HK1: variants seen among roughly 807,000 people sequenced by gnomAD.
The protein encoded by HK1 is hexokinase-1.
Under a neutral mutation model 91.6 loss-of-function variants are expected in HK1, and 28 were observed. That is an observed-to-expected ratio of 0.31 (90% confidence interval 0.23 to 0.42). The LOEUF (loss-of-function observed/expected upper bound fraction) is 0.42. Ranked by LOEUF, HK1 falls within the 10% of genes least tolerant of loss-of-function variation. HK1 has a pLI of 1.00. For synonymous variants in HK1, 430 were observed against 468.1 expected (o/e 0.92, Z 1.05); for missense variants, 770 against 1,219.8 (o/e 0.63, Z 5.49).
intron 4 of HK1, among the ~76,000 whole-genome samples, chr10:69,299,429 G>A (rs1057502647): frequency 2.6e-5 from 4 of 151,306 alleles, no homozygotes; most frequent in African/African-American, 7.3e-5. Flanking sequence ...GTGCAATGGC[G>A]TGATCTCGGC....
At chr10:69,322,911 A>T (rs1384564007) in intron 1 of HK1, among the ~76,000 whole-genome samples, 1 of 148,554 alleles carries the variant, frequency 6.7e-6, no homozygotes, top group Non-Finnish European at 1.5e-5. Flanking sequence ...AAAAATGCCC[A>T]TTCATTATTG....
intron 1 of HK1, among the ~76,000 whole-genome samples, chr10:69,335,282 A>G (rs941946881): frequency 5.3e-5 from 8 of 152,144 alleles, no homozygotes; most frequent in East Asian, 1.9e-4. Flanking sequence ...TCAGCTTGCT[A>G]TGGCTGTTGA....
intron 2 of HK1, among the ~76,000 whole-genome samples, chr10:69,350,998 G>A (rs1333584107): frequency 4.8e-5 from 6 of 123,822 alleles, no homozygotes; most frequent in Non-Finnish European, 8.1e-5. Context: ...GTGAAACCCC[G>A]TCTCTACTAA....
chr10:69,338,287 GAGGCTGGATGCGGGTTCTC>G, intron 1 of HK1: 1 of 1,178,358 alleles, frequency 8.5e-7, no homozygotes, highest in Middle Eastern at 3.9e-4. Flanking sequence ...AGAGGCCCTG[GAGGCTGGATGCGGGTTCTC>G]AGGCAAGAGT....
intron 3 of HK1, among the ~76,000 whole-genome samples, chr10:69,361,808 CA>C (rs1329206304): frequency 1.3e-5 from 2 of 152,108 alleles, no homozygotes; most frequent in Non-Finnish European, 2.9e-5. Context: ...ACCATTATAG[CA>C]AATTCTTTTT....
chr10:69,295,553 A>C, intron 3 of HK1: 1 of 913,852 alleles, frequency 1.1e-6, no homozygotes, highest in Non-Finnish European at 1.8e-6. Context: ...GTGATTGATT[A>C]GTTATAAGCA....
chr10:69,287,382 C>T (rs1396125899), intron 2 of HK1, among the ~76,000 whole-genome samples: 7 of 152,200 alleles, frequency 4.6e-5, no homozygotes, highest in Non-Finnish European at 7.3e-5. Flanking sequence ...CTCCTTCCAC[C>T]TGGTCTCTCC....
At chr10:69,322,521 G>A (rs1309383878) in intron 1 of HK1, among the ~76,000 whole-genome samples, 1 of 152,148 alleles carries the variant, frequency 6.6e-6, no homozygotes, top group Non-Finnish European at 1.5e-5. Flanking sequence ...AGTAGGCTTA[G>A]CAATTAAAGG....
chr10:69,377,087 A>G lies in HK1; in HGVS notation c.1029A>G (p.Glu343=). 3 of 1,614,094 alleles carry G rather than the reference A, an allele frequency of 1.9e-6. No individual in the cohort carries two copies. Among genetic ancestry groups the G allele is most frequent in the Non-Finnish European group, 2.5e-6 (3 of 1,180,002 alleles). ...KFNTSDVSAI[E]KNKEGLHNAK... is the part of the protein sequence containing the mutation. Reference sequence around the variant, plus strand: ...ACACCAGTGATGTGTCAGCCATCGAAAAGTAGGTACCATCCCCTCAAGGCT... The same window carrying G: ...ACACCAGTGATGTGTCAGCCATCGAGAAGTAGGTACCATCCCCTCAAGGCT... The change falls in exon 8 of 18, where the codon GAA becomes GAG. Residue 343 remains glutamate (E), a splice_region_variant and synonymous_variant. Coordinates refer to ENST00000359426, the MANE Select transcript of HK1 (RefSeq NM_000188.3).
chr10:69,344,488 G>T (rs1028634709), intron 2 of HK1, among the ~76,000 whole-genome samples: 1 of 152,212 alleles, frequency 6.6e-6, no homozygotes, highest in Admixed American at 6.5e-5. Flanking sequence ...TAAAGGCAGA[G>T]ATTCCAGACC....
chr10:69,316,196 G>A (rs905082926), upstream of HK1, among the ~76,000 whole-genome samples: 1 of 152,170 alleles, frequency 6.6e-6, no homozygotes, highest in Non-Finnish European at 1.5e-5. Flanking sequence ...CCAGAGTGGA[G>A]GAAGAGATAA....
chr10:69,314,706 C>T (rs1280002862), upstream of HK1, among the ~76,000 whole-genome samples: 1 of 151,864 alleles, frequency 6.6e-6, no homozygotes, highest in African/African-American at 2.4e-5. Flanking sequence ...CTCACTCTGT[C>T]GCCCAGGCTG....
At chr10:69,353,815 T>C (rs1051382754) in intron 2 of HK1, among the ~76,000 whole-genome samples, 2 of 152,116 alleles carry the variant, frequency 1.3e-5, no homozygotes, top group Admixed American at 1.3e-4. Context: ...ATATCCTTTA[T>C]AGTAAATATG....
rs780198552 is a variant in HK1 at position 69,364,852 on chromosome 10, C to T, written c.445C>T (p.Pro149Ser). 8 of 1,614,042 alleles carry T rather than the reference C, an allele frequency of 5.0e-6. No individual in the cohort carries two copies. Among genetic ancestry groups the T allele is most frequent in the Non-Finnish European group, 6.8e-6 (8 of 1,179,964 alleles). Residue 149 changes from proline to serine, a missense_variant, in exon 4 of 18, where the codon CCT becomes TCT. Pro to Ser is a moderately conservative substitution (Grantham distance 74, BLOSUM62 -1). Transcript: ENST00000359426. ...AAGGAAGATCAAGGACAAGAAGTTA[C>T]CTGTGGGATTCACGTTTTCTTTTCC... Reference protein sequence around the residue: ...EKRKIKDKKLPVGFTFSFPCQ... With the variant: ...EKRKIKDKKLSVGFTFSFPCQ...
At chr10:69,282,050 G>T (rs4746834) in intron 1 of HK1, among the ~76,000 whole-genome samples, 70,922 of 151,992 alleles carry the variant, frequency 0.47, 18,767 homozygotes, top group East Asian at 0.63. Context: ...TAAGGCTCCA[G>T]GGCTGAAGAG....
At chr10:69,365,378 CTTG>C (rs1849648469) in intron 4 of HK1, among the ~76,000 whole-genome samples, 1 of 152,180 alleles carries the variant, frequency 6.6e-6, no homozygotes, top group Admixed American at 6.5e-5. Context: ...TCCGAGGTGA[CTTG>C]TTGTACCCAC....
At chr10:69,371,455 T>G (rs1850002063) in intron 7 of HK1, among the ~76,000 whole-genome samples, 1 of 152,198 alleles carries the variant, frequency 6.6e-6, no homozygotes, top group South Asian at 2.1e-4. Flanking sequence ...AGGTATTCTG[T>G]GACACATGGC....
In HK1 at chr10:69,384,782, C is replaced by T. The variant is rs752991859; in HGVS notation, c.1720-14C>T. On this transcript the variant is annotated splice_polypyrimidine_tract_variant and intron_variant, in intron 11 of 17. Coordinates refer to ENST00000359426, the MANE Select transcript of HK1 (RefSeq NM_000188.3). ...CCACAGAGAGCACGGGCGATCCTTT[C>T]TTTTCCCCTGCAGCTGTTTGATCAC... 3.1e-6 allele frequency: 5 copies of T among 1,614,210 alleles called. No homozygotes were observed. Among genetic ancestry groups the T allele is most frequent in the Non-Finnish European group, 4.2e-6 (5 of 1,180,022 alleles).
At chr10:69,270,475 C>T (rs1019774077) in intron 1 of HK1, among the ~76,000 whole-genome samples, 2 of 151,838 alleles carry the variant, frequency 1.3e-5, no homozygotes, top group African/African-American at 2.4e-5. Context: ...CCTAGCTACT[C>T]GGGAGGCTGA....
Sources: gnomAD v4.1 joint callset for allele counts (sites outside exome capture counted in the v4.1 genomes callset) on GRCh38, gnomAD v4.1.1 for gene constraint, MANE v1.5 for transcripts, NCBI Gene and HGNC (gene_info 2026-07-23, HGNC 2026-07-21) for gene names.